Variants in CLEC3B observed in about 807,000 individuals in gnomAD.
The protein encoded by CLEC3B is tetranectin.
A neutral mutation model predicts 15.4 loss-of-function variants in CLEC3B; 13 were observed. That is an observed-to-expected ratio of 0.84 (90% CI 0.55 to 1.34). The LOEUF (loss-of-function observed/expected upper bound fraction) is 1.34, where lower values mean the gene tolerates loss of function less well. Ranked by LOEUF, CLEC3B falls within the 40% of genes most tolerant of loss-of-function variation. The probability of loss-of-function intolerance (pLI) is 0.00; values close to 1 mark genes in which losing one functional copy is unlikely to be tolerated. For synonymous variants in CLEC3B, 112 were observed against 114.7 expected (o/e 0.98, Z 0.15); for missense variants, 242 against 268.6 (o/e 0.90, Z 0.69).
In CLEC3B at chr3:45,035,508, T is replaced by G. The variant is rs1226907488; in HGVS notation, c.209-16T>G. On this transcript the variant is annotated splice_polypyrimidine_tract_variant and intron_variant, in intron 2 of 2. Transcript: ENST00000296130. ...CAGGGGGACCTTCGGTGACAGCCAT[T>G]TCTCCCCACTCCCAGTCTGCCTGAA... 1 of 1,572,996 alleles carries G rather than the reference T, an allele frequency of 6.4e-7. No individual in the cohort carries two copies. Among genetic ancestry groups the G allele is most frequent in the Admixed American group, 1.7e-5 (1 of 57,378 alleles).
At chr3:45,028,067 C>G (rs1234994714) in intron 1 of CLEC3B, among the ~76,000 whole-genome samples, 1 of 152,216 alleles carries the variant, frequency 6.6e-6, no homozygotes, top group East Asian at 1.9e-4. Flanking sequence ...AACAGCCACC[C>G]AGGCCCTGCC....
At position 45,035,636 on chromosome 3, in the gene CLEC3B, C is replaced by T. The variant is rs768521141; in HGVS notation, c.321C>T (p.Thr107=). The part of the protein sequence containing the change: ...DCISRGGTLG[T]PQTGSENDAL... Reference sequence around the variant, plus strand: ...TCTCGCGCGGGGGCACCCTGGGCACCCCTCAGACTGGCTCGGAGAACGACG... The same window carrying T: ...TCTCGCGCGGGGGCACCCTGGGCACTCCTCAGACTGGCTCGGAGAACGACG... The change falls in exon 3 of 3, where the codon ACC becomes ACT. Residue 107 remains threonine, a synonymous_variant. Transcript: ENST00000296130. 17 of 1,613,978 alleles carry T rather than the reference C, an allele frequency of 1.1e-5. No individual in the cohort carries two copies. In the South Asian group the frequency reaches 1.6e-4, roughly 16 times the overall value.
intron 2 of CLEC3B, among the ~76,000 whole-genome samples, chr3:45,032,900 A>G (rs539760241): frequency 6.6e-6 from 1 of 152,232 alleles, no homozygotes; most frequent in Non-Finnish European, 1.5e-5. Flanking sequence ...GGCAAGAAGG[A>G]GGAAGAGTAG....
chr3:45,033,953 G>A (rs1435599528), intron 2 of CLEC3B, among the ~76,000 whole-genome samples: 1 of 146,010 alleles, frequency 6.8e-6, no homozygotes, highest in Admixed American at 6.9e-5. Context: ...CTGTACTGTG[G>A]TGCCACGAAA....
chr3:45,029,727 A>C (rs1697528938), intron 1 of CLEC3B, among the ~76,000 whole-genome samples: 1 of 152,210 alleles, frequency 6.6e-6, no homozygotes, highest in Non-Finnish European at 1.5e-5. Flanking sequence ...AGCTGAGTGC[A>C]GCCTTTCCTG....
At chr3:45,028,186 A>G (rs1300437323) in intron 1 of CLEC3B, among the ~76,000 whole-genome samples, 1 of 152,208 alleles carries the variant, frequency 6.6e-6, no homozygotes, top group African/African-American at 2.4e-5. Context: ...GCAGAGAAAC[A>G]CCGTCTCTGC....
chr3:45,035,680 G>T lies in CLEC3B; in HGVS notation c.365G>T (p.Arg122Leu). Residue 122 changes from arginine to leucine, a missense_variant, in exon 3 of 3, where the codon CGC (arginine) becomes CTC (leucine). Transcript: ENST00000296130. The stretch of plus-strand genomic sequence containing the variant: ...AACGACGCCCTGTATGAGTACCTGC[G>T]CCAGAGCGTGGGCAACGAGGCCGAG... ...SENDALYEYLRQSVGNEAEIW... is the reference protein window; with the variant it reads ...SENDALYEYLLQSVGNEAEIW... The T allele has an allele frequency of 1.2e-6, 2 of 1,613,740 alleles. No homozygotes were observed. Among genetic ancestry groups the T allele is most frequent in the Middle Eastern group, 1.6e-4 (1 of 6,062 alleles).
At chr3:45,030,289 G>T in intron 1 of CLEC3B, 1 of 927,290 alleles carries the variant, frequency 1.1e-6, no homozygotes, top group South Asian at 4.9e-5. Flanking sequence ...GTCCTAGGAG[G>T]TGGGGCTGTC....
chr3:45,027,228 G>T (rs764296455), intron 1 of CLEC3B, among the ~76,000 whole-genome samples: 11 of 152,244 alleles, frequency 7.2e-5, no homozygotes, highest in Non-Finnish European at 1.5e-4. Flanking sequence ...AGTCCAAGGG[G>T]ATGAGGGTGG....
chr3:45,027,194 C>A (rs192555846), intron 1 of CLEC3B, among the ~76,000 whole-genome samples: 11 of 152,296 alleles, frequency 7.2e-5, no homozygotes, highest in African/African-American at 2.6e-4. Flanking sequence ...CTGTCACCCC[C>A]CCAGGGAGCA....
At chr3:45,027,532 A>G (rs140137947) in intron 1 of CLEC3B, among the ~76,000 whole-genome samples, 27 of 152,378 alleles carry the variant, frequency 1.8e-4, no homozygotes, top group African/African-American at 6.3e-4. Context: ...TTTGCTTTGA[A>G]AAAGGGATTT....
intron 1 of CLEC3B, among the ~76,000 whole-genome samples, chr3:45,026,898 A>C (rs1166458446): frequency 3.9e-5 from 6 of 152,250 alleles, no homozygotes; most frequent in Non-Finnish European, 7.3e-5. Context: ...ATTTTATGAT[A>C]CAAAATATAT....
intron 2 of CLEC3B, among the ~76,000 whole-genome samples, chr3:45,032,112 G>A (rs982474420): frequency 1.3e-5 from 2 of 151,744 alleles, no homozygotes; most frequent in African/African-American, 4.8e-5. Flanking sequence ...TGACTCCTCA[G>A]CAAATCTATA....
intron 1 of CLEC3B, among the ~76,000 whole-genome samples, chr3:45,029,574 C>A (rs929327770): frequency 1.3e-5 from 2 of 152,184 alleles, no homozygotes; most frequent in Non-Finnish European, 2.9e-5. Flanking sequence ...TTTCTATATA[C>A]ACAACCATGT....
Position 45,030,077 on chromosome 3 carries a change from G to C in CLEC3B, c.110-750G>C, listed in dbSNP as rs112489247. On this transcript the variant is annotated intron_variant, in intron 1 of 2. Transcript: ENST00000296130. Reference sequence around the variant, plus strand: ...AAATGCTGGTGGTACAGAATGACACGTTACCTGTGTCATAGGGTTGATTAT... The same window carrying C: ...AAATGCTGGTGGTACAGAATGACACCTTACCTGTGTCATAGGGTTGATTAT... 3.3e-5 allele frequency: 23 copies of C among 700,758 alleles called. No homozygotes were observed. The South Asian group carries it at 1.5e-3, about 45-fold the overall frequency. 43.4% of individuals were successfully genotyped at this position (700,758 alleles called of 1,614,324 possible).
intron 1 of CLEC3B, 49 bp downstream of exon 1, chr3:45,026,520 C>G: frequency 1.3e-6 from 2 of 1,514,132 alleles, no homozygotes; most frequent in Non-Finnish European, 1.8e-6. Context: ...AGCAGGTCCC[C>G]CTCTCCTTAG....
chr3:45,030,679 A>G (rs1263012353), intron 1 of CLEC3B, 148 bp from the exon 2 acceptor site: 7 of 613,508 alleles, frequency 1.1e-5, no homozygotes, highest in Non-Finnish European at 1.8e-5. Flanking sequence ...GTGGTTAATT[A>G]GACTACCACC....
At chr3:45,030,757 C>A in intron 1 of CLEC3B, 70 bp from the exon 2 acceptor site, 2 of 1,054,824 alleles carry the variant, frequency 1.9e-6, no homozygotes, top group Non-Finnish European at 2.8e-6. Context: ...CCTCTCATCC[C>A]TCTGCAGCTA....
chr3:45,026,336 A>G lies in CLEC3B; in HGVS notation c.-27A>G. Reference sequence around the variant, plus strand: ...GTTCGGACCCAGACCCGCTGCAGGCAGCAGCAGCCCCCGCCCGCGCAGCAG... The same window carrying G: ...GTTCGGACCCAGACCCGCTGCAGGCGGCAGCAGCCCCCGCCCGCGCAGCAG... On this transcript the variant is annotated 5_prime_UTR_variant, in exon 1 of 3. Transcript: ENST00000296130. The G allele has an allele frequency of 2.5e-6, 4 of 1,586,802 alleles. No homozygotes were observed. Among genetic ancestry groups the G allele is most frequent in the Non-Finnish European group, 3.5e-6 (4 of 1,157,276 alleles).
Sources: gnomAD v4.1 joint callset for allele counts (sites outside exome capture counted in the v4.1 genomes callset) on GRCh38, gnomAD v4.1.1 for gene constraint, MANE v1.5 for transcripts, NCBI Gene and HGNC (gene_info 2026-07-23, HGNC 2026-07-21) for gene names.